SLC25A26: variants seen among roughly 807,000 people sequenced by gnomAD.
The protein encoded by SLC25A26 is mitochondrial S-adenosylmethionine carrier protein.
Under a neutral mutation model 37.8 loss-of-function variants are expected in SLC25A26, and 36 were observed. The ratio of observed to expected loss-of-function variants is 0.95; its 90% CI spans 0.73 to 1.26. The LOEUF is 1.26. Among genes scored for constraint, SLC25A26 ranks in the 50% most tolerant of loss-of-function variants. The pLI is 0.00. For synonymous variants in SLC25A26, 129 were observed against 122.5 expected, an observed-to-expected ratio of 1.05 and a Z score of -0.35; for missense variants, 390 against 331.1, an observed-to-expected ratio of 1.18 and a Z score of -1.38.
At chr3:66,307,886 TG>T (rs764004979) in intron 5 of SLC25A26, among the ~76,000 whole-genome samples, 2 of 152,222 alleles carry the variant, frequency 1.3e-5, no homozygotes, top group Non-Finnish European at 2.9e-5. Context: ...AGTACCCTGC[TG>T]TTTAGGGTTG....
At chr3:66,373,713 C>T (rs1157127380) in intron 9 of SLC25A26, among the ~76,000 whole-genome samples, 7 of 149,738 alleles carry the variant, frequency 4.7e-5, no homozygotes, top group Non-Finnish European at 8.9e-5. Context: ...GTTTGGTTTT[C>T]AATACAATTT....
upstream of SLC25A26, among the ~76,000 whole-genome samples, chr3:66,219,216 C>T (rs943431032): frequency 1.4e-3 from 215 of 152,112 alleles, 1 homozygote; most frequent in African/African-American, 4.9e-3. Flanking sequence ...AGGAGGCTGC[C>T]GGTGAGGGTT....
At chr3:66,221,596 T>C (rs948681618) in intron 1 of SLC25A26, among the ~76,000 whole-genome samples, 2 of 152,002 alleles carry the variant, frequency 1.3e-5, no homozygotes, top group African/African-American at 4.8e-5. Context: ...GTTCATTCAA[T>C]ACATAATCTG....
chr3:66,343,323 C>G (rs1004984257), intron 5 of SLC25A26, among the ~76,000 whole-genome samples: 1 of 152,168 alleles, frequency 6.6e-6, no homozygotes, highest in African/African-American at 2.4e-5. Context: ...GAAAAATTTT[C>G]ACACAGGAAT....
At chr3:66,310,407 T>G (rs955905186) in intron 5 of SLC25A26, among the ~76,000 whole-genome samples, 2 of 152,220 alleles carry the variant, frequency 1.3e-5, no homozygotes, top group Middle Eastern at 3.2e-3. Flanking sequence ...GCATGTGATA[T>G]GGGTCTCCTG....
At chr3:66,363,038 G>T (rs1321917912) in intron 7 of SLC25A26, 109 bp downstream of exon 7, 2 of 538,424 alleles carry the variant, frequency 3.7e-6, no homozygotes, top group Non-Finnish European at 6.1e-6. Flanking sequence ...TTTAGATGAA[G>T]AGCGCTCCAC....
intron 5 of SLC25A26, among the ~76,000 whole-genome samples, chr3:66,290,691 C>T (rs1040334136): frequency 3.9e-5 from 6 of 151,994 alleles, no homozygotes; most frequent in East Asian, 1.9e-4. Flanking sequence ...ATAAGCTTGT[C>T]GGTGTGCTGC....
chr3:66,245,031 G>A (rs782366509), intron 3 of SLC25A26, among the ~76,000 whole-genome samples: 3 of 151,980 alleles, frequency 2.0e-5, no homozygotes, highest in African/African-American at 7.2e-5. Context: ...AGTCAAAGTA[G>A]AACACAGTAC....
chr3:66,304,595 G>A lies in SLC25A26; in HGVS notation c.453+41216G>A, dbSNP rs1190671675. On this transcript the variant is annotated intron_variant, in intron 5 of 9. Coordinates refer to ENST00000354883, the MANE Select transcript of SLC25A26 (RefSeq NM_001379210.1). Reference sequence around the variant, plus strand: ...ATGCTAACTGGGATATACGCTACATGGTTCACTGGTGCTTTCAGGAAACCA... The same window carrying A: ...ATGCTAACTGGGATATACGCTACATAGTTCACTGGTGCTTTCAGGAAACCA... The A allele has an allele frequency of 8.1e-6, 3 of 368,740 alleles. No individual in the cohort carries two copies. In the Admixed American group the frequency reaches 1.0e-4, roughly 13 times the overall value. 22.8% of individuals were successfully genotyped at this position (368,740 alleles called of 1,614,324 possible).
intron 5 of SLC25A26, among the ~76,000 whole-genome samples, chr3:66,286,844 A>G (rs146998549): frequency 2.6e-4 from 40 of 151,978 alleles, no homozygotes; most frequent in African/African-American, 9.2e-4. Context: ...TGTATTTTTA[A>G]TAGAGGCGGG....
intron 1 of SLC25A26, among the ~76,000 whole-genome samples, chr3:66,169,688 A>T (rs2070469329): frequency 1.3e-5 from 2 of 152,190 alleles, no homozygotes; most frequent in South Asian, 4.1e-4. Flanking sequence ...GGCACTCGAT[A>T]AATATTTGTT....
chr3:66,190,246 T>C (rs1430648977), intron 1 of SLC25A26, among the ~76,000 whole-genome samples: 1 of 149,302 alleles, frequency 6.7e-6, no homozygotes, highest in African/African-American at 2.5e-5. Context: ...GCTTGGGAGG[T>C]AAAGGTTGCA....
intron 1 of SLC25A26, among the ~76,000 whole-genome samples, chr3:66,203,297 C>T (rs2071132951): frequency 1.3e-5 from 2 of 152,180 alleles, no homozygotes; most frequent in South Asian, 4.1e-4. Context: ...GGGAGGATCA[C>T]CTGAGCCCAG....
intron 5 of SLC25A26, among the ~76,000 whole-genome samples, chr3:66,311,064 T>C (rs1001556151): frequency 2.0e-5 from 3 of 152,220 alleles, no homozygotes; most frequent in Admixed American, 6.5e-5. Context: ...GAAGTTCTCC[T>C]GGGTAATATC....
intron 1 of SLC25A26, among the ~76,000 whole-genome samples, chr3:66,164,991 G>T (rs529713665): frequency 4.1e-4 from 63 of 152,310 alleles, no homozygotes; most frequent in African/African-American, 1.4e-3. Flanking sequence ...TAGCATTCAT[G>T]CCTTTGAATC....
intron 1 of SLC25A26, among the ~76,000 whole-genome samples, chr3:66,236,214 T>TAG (rs2072272728): frequency 8.6e-6 from 1 of 116,470 alleles, no homozygotes; most frequent in African/African-American, 3.0e-5. Flanking sequence ...GACTTTTTTT[T>TAG]TTTTTTTTTT....
intron 1 of SLC25A26, among the ~76,000 whole-genome samples, chr3:66,201,800 A>G (rs1486681136): frequency 6.6e-6 from 1 of 152,166 alleles, no homozygotes. Flanking sequence ...AAAATAAATG[A>G]CTATTTCTTT....
At chr3:66,220,810 C>T (rs942892119), upstream of SLC25A26, 10 of 515,344 alleles carry the variant, frequency 1.9e-5, no homozygotes, top group Non-Finnish European at 3.1e-5. Context: ...CTTTTGCTCG[C>T]GAAAGTTCCT....
chr3:66,190,262 C>G (rs1424416986), intron 1 of SLC25A26, among the ~76,000 whole-genome samples: 4 of 150,858 alleles, frequency 2.7e-5, no homozygotes, highest in African/African-American at 4.9e-5. Flanking sequence ...TTGCAGTGAG[C>G]TGAGATTGCA....
Sources: allele counts gnomAD v4.1 joint callset (sites outside exome capture counted in the v4.1 genomes callset), GRCh38; gene constraint gnomAD v4.1.1; transcripts MANE v1.5; gene names NCBI Gene and HGNC (gene_info 2026-07-23, HGNC 2026-07-21).